Variants in FNBP1 observed in about 807,000 individuals in gnomAD.
FNBP1 encodes the protein formin-binding protein 1.
FNBP1 carries 26 observed loss-of-function variants against 90.6 expected under a neutral mutation model. That is an observed-to-expected ratio of 0.29 (90% CI 0.21 to 0.40). FNBP1 has a LOEUF of 0.40. Ranked by LOEUF, FNBP1 falls within the 10% of genes least tolerant of loss-of-function variation. The pLI is 1.00. For synonymous variants in FNBP1, 260 were observed against 265.2 expected (o/e 0.98, Z 0.19); for missense variants, 635 against 768.0 (o/e 0.83, Z 2.05).
At chr9:129,916,027 AGAGAGAAAGAG>A (rs1157617043) in intron 10 of FNBP1, 47 bp from the exon 11 acceptor site, 31 of 1,408,262 alleles carry the variant, frequency 2.2e-5, no homozygotes, top group Non-Finnish European at 3.0e-5. Flanking sequence ...AGAGAAAGAG[AGAGAGAAAGAG>A]AAAAAAAAAC....
chr9:129,956,003 A>T lies in FNBP1; in HGVS notation c.513+1357T>A, dbSNP rs530586356. 7.2e-5 allele frequency among the ~76,000 whole-genome samples: 11 copies of T among 152,220 alleles called. No individual in the cohort carries two copies. The South Asian group carries it at 2.3e-3, about 32-fold the overall frequency. On this transcript the variant is annotated intron_variant, in intron 6 of 16. Coordinates refer to ENST00000446176, the MANE Select transcript of FNBP1 (RefSeq NM_015033.3). ...GCAAATTAATGTCTTTTGGTAAAGT[A>T]AGTATCTCCATTTTGAGATCAAATA...
chr9:129,964,688 G>A (rs1469512868), intron 4 of FNBP1, among the ~76,000 whole-genome samples: 1 of 151,368 alleles, frequency 6.6e-6, no homozygotes, highest in Non-Finnish European at 1.5e-5. Context: ...CAATTTTACT[G>A]AACTGCAAGA....
intron 1 of FNBP1, among the ~76,000 whole-genome samples, chr9:130,039,021 A>G (rs2059596994): frequency 1.3e-5 from 2 of 152,180 alleles, no homozygotes; most frequent in Admixed American, 1.3e-4. Context: ...AAATGTAAGC[A>G]ACTCTTGCTT....
chr9:129,983,055 A>G (rs1047044745), intron 2 of FNBP1, among the ~76,000 whole-genome samples: 1 of 152,174 alleles, frequency 6.6e-6, no homozygotes, highest in African/African-American at 2.4e-5. Context: ...TCATATAAAA[A>G]TTATTCCAAA....
intron 1 of FNBP1, among the ~76,000 whole-genome samples, chr9:130,029,302 T>C (rs1268473675): frequency 6.6e-6 from 1 of 152,130 alleles, no homozygotes; most frequent in Non-Finnish European, 1.5e-5. Flanking sequence ...TTTGTAGAGA[T>C]GGAGTTTCAC....
chr9:130,005,062 CAAAAAA>C (rs573686773), intron 1 of FNBP1, among the ~76,000 whole-genome samples: 1 of 92,838 alleles, frequency 1.1e-5, no homozygotes, highest in African/African-American at 4.3e-5. Flanking sequence ...AAGACTGTCT[CAAAAAA>C]AAAAAAAAAA....
At chr9:129,999,350 T>C (rs1203815763) in intron 1 of FNBP1, among the ~76,000 whole-genome samples, 1 of 151,964 alleles carries the variant, frequency 6.6e-6, no homozygotes, top group Admixed American at 6.6e-5. Context: ...AATCCCAGCA[T>C]TTTGCGAGGC....
At chr9:130,006,470 G>C (rs1417549086) in intron 1 of FNBP1, among the ~76,000 whole-genome samples, 1 of 151,896 alleles carries the variant, frequency 6.6e-6, no homozygotes, top group Non-Finnish European at 1.5e-5. Context: ...ACTCCAGCCT[G>C]GTGACAGAGT....
chr9:129,975,902 T>TAA (rs34630525), intron 4 of FNBP1, among the ~76,000 whole-genome samples: 5,709 of 73,420 alleles, frequency 0.078, 364 homozygotes, highest in Middle Eastern at 0.12. Flanking sequence ...GACTCCATCT[T>TAA]AAAAAAAAAA....
chr9:129,957,337 C>T lies in FNBP1; in HGVS notation c.513+23G>A, dbSNP rs773470202. 11 of 1,559,410 alleles carry T rather than the reference C, an allele frequency of 7.1e-6. No individual in the cohort carries two copies. The highest frequency in any genetic ancestry group is 6.7e-5 in the South Asian group (6 of 89,790). On this transcript the variant is annotated intron_variant, in intron 6 of 16. Transcript: ENST00000446176. This position sits in a 1 kb window ranked among gnomAD's most constrained non-coding sequence, Gnocchi z 4.3. ...ACAGGCGTGAGCCACCGTGCCCGGCCCACACTTGAGCTTTCACCTCACCTT... is the reference window on the plus strand; with the variant it reads ...ACAGGCGTGAGCCACCGTGCCCGGCTCACACTTGAGCTTTCACCTCACCTT...
At chr9:129,994,009 G>A (rs1173699239) in intron 2 of FNBP1, among the ~76,000 whole-genome samples, 1 of 152,160 alleles carries the variant, frequency 6.6e-6, no homozygotes, top group Non-Finnish European at 1.5e-5. Flanking sequence ...CACTGGAAAT[G>A]GCTGAACCCT....
rs543863801 is a variant in FNBP1 at position 129,887,534 on chromosome 9, C to T, written c.*3005G>A. On this transcript the variant is annotated 3_prime_UTR_variant, in exon 17 of 17. Coordinates refer to ENST00000446176, the MANE Select transcript of FNBP1 (RefSeq NM_015033.3). ...TAGCATGAACGTCACTTTTTGACGT[C>T]GTGTAAACTTTCTTCTGCAATGACG... 5.3e-5 allele frequency: 11 copies of T among 208,722 alleles called. No homozygotes were observed. The highest frequency in any genetic ancestry group is 2.5e-4 in the African/African-American group (11 of 44,042). 12.9% of individuals were successfully genotyped at this position (208,722 alleles called of 1,614,324 possible).
At chr9:129,901,911 CA>C (rs1003448403) in intron 13 of FNBP1, among the ~76,000 whole-genome samples, 1 of 151,628 alleles carries the variant, frequency 6.6e-6, no homozygotes, top group African/African-American at 2.4e-5. Context: ...GACTTCATCT[CA>C]AAAAAAAGAA....
At chr9:130,030,712 G>T (rs1421970058) in intron 1 of FNBP1, among the ~76,000 whole-genome samples, 1 of 152,076 alleles carries the variant, frequency 6.6e-6, no homozygotes. Flanking sequence ...GAGAACGTAC[G>T]GATCAGCCAA....
chr9:130,017,576 T>G (rs1303470813), intron 1 of FNBP1, among the ~76,000 whole-genome samples: 1 of 152,162 alleles, frequency 6.6e-6, no homozygotes, highest in Non-Finnish European at 1.5e-5. Context: ...ACGCCTGTAA[T>G]CTCAGCACTT....
At chr9:130,025,713 C>T (rs1172522806) in intron 1 of FNBP1, among the ~76,000 whole-genome samples, 1 of 152,212 alleles carries the variant, frequency 6.6e-6, no homozygotes, top group Non-Finnish European at 1.5e-5. Flanking sequence ...CACCTGAGGT[C>T]AGGAGTTCCA....
chr9:129,969,789 C>G (rs568742268), intron 4 of FNBP1, among the ~76,000 whole-genome samples: 1 of 150,866 alleles, frequency 6.6e-6, no homozygotes, highest in South Asian at 2.1e-4. Context: ...AAAACAAAAA[C>G]GTATACTTTT....
chr9:130,052,714 G>A, the FNBP1 span, among the ~76,000 whole-genome samples: 65 of 152,046 alleles, frequency 4.3e-4, 1 homozygote, highest in Non-Finnish European at 5.7e-4. Flanking sequence ...GGATTCAGGC[G>A]CGAATCACCA....
At chr9:129,960,847 C>G (rs1374955276) in intron 4 of FNBP1, among the ~76,000 whole-genome samples, 1 of 151,950 alleles carries the variant, frequency 6.6e-6, no homozygotes, top group East Asian at 1.9e-4. Context: ...CCCAAACTTC[C>G]AGGATTTTCT....
Sources: gnomAD v4.1 joint callset for allele counts (sites outside exome capture counted in the v4.1 genomes callset) on GRCh38, gnomAD v4.1.1 for gene constraint, Gnocchi (gnomAD v3.1) non-coding constraint, MANE v1.5 for transcripts, NCBI Gene and HGNC (gene_info 2026-07-23, HGNC 2026-07-21) for gene names.